The following ZNF385D variants were observed in gnomAD, a reference collection of about 807,000 sequenced individuals.
The protein encoded by ZNF385D is zinc finger protein 659.
Under a neutral mutation model 35.8 loss-of-function variants are expected in ZNF385D, and 15 were observed. The observed-to-expected ratio is 0.42, with a 90% CI of 0.28 to 0.64. ZNF385D has a LOEUF of 0.64. ZNF385D is among the 30% of genes least tolerant of loss of function. ZNF385D has a pLI of 0.23. For synonymous variants in ZNF385D, 212 were observed against 186.8 expected (o/e 1.13, Z -1.10); for missense variants, 474 against 494.6 (o/e 0.96, Z 0.39).
At chr3:21,636,413 T>TAGAGAGAGAG (rs1553628039) in intron 2 of ZNF385D, among the ~76,000 whole-genome samples, 3 of 25,638 alleles carry the variant, frequency 1.2e-4, no homozygotes, top group African/African-American at 3.9e-4. Flanking sequence ...TATATATATA[T>TAGAGAGAGAG]AGAGTTTCTT....
At chr3:21,758,217 A>T (rs4538394) in intron 3 of ZNF385D, among the ~76,000 whole-genome samples, 102,892 of 152,128 alleles carry the variant, frequency 0.68, 35,919 homozygotes, top group East Asian at 0.9. Context: ...ATCCCTCCAG[A>T]AGAATGAAGG....
intron 3 of ZNF385D, among the ~76,000 whole-genome samples, chr3:22,049,425 C>T (rs1269598085): frequency 3.3e-5 from 5 of 150,454 alleles, no homozygotes; most frequent in African/African-American, 9.8e-5. Context: ...TTTTTTTTGG[C>T]GGATTCTTTG....
intron 3 of ZNF385D, among the ~76,000 whole-genome samples, chr3:22,066,216 G>GA (rs1182358985): frequency 6.6e-6 from 1 of 151,828 alleles, no homozygotes; most frequent in Non-Finnish European, 1.5e-5. Context: ...GCTCAGAAAA[G>GA]AAAAGAGAGA....
chr3:21,501,822 T>C (rs1188798532), intron 4 of ZNF385D, among the ~76,000 whole-genome samples: 1 of 152,174 alleles, frequency 6.6e-6, no homozygotes, highest in African/African-American at 2.4e-5. Context: ...AAGACACAGA[T>C]GTTTCCAGAA....
At chr3:22,353,508 T>C (rs1166246408) in intron 2 of ZNF385D, among the ~76,000 whole-genome samples, 3 of 152,188 alleles carry the variant, frequency 2.0e-5, no homozygotes, top group Non-Finnish European at 4.4e-5. Context: ...ATATAATTGC[T>C]TGCTATGTGC....
At chr3:21,623,680 CAAAA>C (rs1475089412) in intron 2 of ZNF385D, among the ~76,000 whole-genome samples, 3 of 151,798 alleles carry the variant, frequency 2.0e-5, no homozygotes, top group South Asian at 2.1e-4. Flanking sequence ...AACAAAAAAA[CAAAA>C]AACCACAATG....
At chr3:22,159,039 G>A (rs556079106) in intron 3 of ZNF385D, among the ~76,000 whole-genome samples, 176 of 152,158 alleles carry the variant, frequency 1.2e-3, no homozygotes, top group African/African-American at 4.0e-3. Context: ...GGGACTGGAA[G>A]ATGTTGTCGG....
intron 3 of ZNF385D, among the ~76,000 whole-genome samples, chr3:21,852,675 T>C (rs548092680): frequency 3.3e-5 from 5 of 152,066 alleles, no homozygotes; most frequent in Admixed American, 2.6e-4. Flanking sequence ...AAGATGATTA[T>C]GTCATTACTA....
Position 21,910,924 on chromosome 3 carries a change from T to G in ZNF385D, c.326-245896A>C, listed in dbSNP as rs568155642. ...TGATAACTATTTTATATAGAATTAG[T>G]TGAAGTACAAAATAAACCTGATGCT... On this transcript the variant is annotated intron_variant, in intron 3 of 5. Coordinates refer to the ZNF385D transcript ENST00000494108. Among the ~76,000 whole-genome samples the G allele has an allele frequency of 2.0e-5, 3 of 152,064 alleles. No homozygotes were observed. In the East Asian group the frequency reaches 5.8e-4, roughly 29 times the overall value.
chr3:22,340,822 C>A (rs1180640566), intron 2 of ZNF385D, among the ~76,000 whole-genome samples: 2 of 152,210 alleles, frequency 1.3e-5, no homozygotes, highest in African/African-American at 4.8e-5. Flanking sequence ...CACAGGCTCA[C>A]TGCCTTTTAT....
In ZNF385D at chr3:22,034,423, GCCA is replaced by G. The variant is rs543045188; in HGVS notation, c.325+134391_325+134393del. Among the ~76,000 whole-genome samples, 40 of 152,138 alleles carry G rather than the reference GCCA, an allele frequency of 2.6e-4. 1 individual carries two copies. Among genetic ancestry groups the G allele is most frequent in the Admixed American group, 1.5e-3 (23 of 15,276 alleles). On this transcript the variant is annotated intron_variant, in intron 3 of 5. Coordinates refer to the ZNF385D transcript ENST00000494108. ...AGAAATTTATTTCTGTTATTTATATGCCACCAAGTCTTAGTCTTAGCGGCCCAA... is the reference window on the plus strand; with the variant it reads ...AGAAATTTATTTCTGTTATTTATATGCCAAGTCTTAGTCTTAGCGGCCCAA...
intron 3 of ZNF385D, among the ~76,000 whole-genome samples, chr3:21,886,260 A>G (rs566018427): frequency 6.6e-4 from 100 of 152,216 alleles, no homozygotes; most frequent in African/African-American, 2.2e-3. Context: ...GGATGATGGA[A>G]GAAGGTTTTC....
intron 4 of ZNF385D, among the ~76,000 whole-genome samples, chr3:21,483,901 G>A (rs1704828730): frequency 6.6e-6 from 1 of 151,974 alleles, no homozygotes; most frequent in African/African-American, 2.4e-5. Flanking sequence ...TTTTAATTTT[G>A]ATGAAATCCA....
chr3:21,832,578 T>C (rs1695062322), intron 3 of ZNF385D, among the ~76,000 whole-genome samples: 1 of 152,176 alleles, frequency 6.6e-6, no homozygotes, highest in African/African-American at 2.4e-5. Context: ...TCACGGCTGC[T>C]CCAGACAATG....
At chr3:21,950,402 G>GT (rs1299213620) in intron 3 of ZNF385D, among the ~76,000 whole-genome samples, 9 of 151,668 alleles carry the variant, frequency 5.9e-5, no homozygotes, top group Non-Finnish European at 1.3e-4. Flanking sequence ...TGATGGAGGT[G>GT]TTTTTTTCTT....
At position 22,130,444 on chromosome 3, in the gene ZNF385D, T is replaced by G. The variant is rs376073485; in HGVS notation, c.325+38373A>C. ...AGAAACCCATTGTGCTTTAGCCCAC[T>G]GTGATGGGTACAGCTAGAACTCCAG... On this transcript the variant is annotated intron_variant, in intron 3 of 5. Coordinates refer to the ZNF385D transcript ENST00000494108. 6.6e-5 allele frequency among the ~76,000 whole-genome samples: 10 copies of G among 152,304 alleles called. 1 individual carries two copies. The highest frequency in any genetic ancestry group is 3.9e-4 in the East Asian group (2 of 5,164).
intron 3 of ZNF385D, among the ~76,000 whole-genome samples, chr3:21,866,634 C>T (rs1697381509): frequency 6.6e-6 from 1 of 152,144 alleles, no homozygotes; most frequent in Non-Finnish European, 1.5e-5. Context: ...TTCAACAAGT[C>T]CCAGGTAATG....
At chr3:21,786,510 G>T (rs960063067) in intron 3 of ZNF385D, among the ~76,000 whole-genome samples, 1 of 152,066 alleles carries the variant, frequency 6.6e-6, no homozygotes, top group Non-Finnish European at 1.5e-5. Context: ...CAGAAATTTT[G>T]TTCTCATTTT....
chr3:22,317,040 G>T (rs1369979946), intron 2 of ZNF385D, among the ~76,000 whole-genome samples: 1 of 151,976 alleles, frequency 6.6e-6, no homozygotes, highest in Non-Finnish European at 1.5e-5. Flanking sequence ...CACTTTGGGA[G>T]GCCGAGGTGG....
Sources: allele counts gnomAD v4.1 joint callset (sites outside exome capture counted in the v4.1 genomes callset), GRCh38; gene constraint gnomAD v4.1.1; transcripts MANE v1.5; gene names NCBI Gene and HGNC (gene_info 2026-07-23, HGNC 2026-07-21).